GCC2: variants seen among roughly 807,000 people sequenced by gnomAD.
GCC2 encodes GRIP and coiled-coil domain-containing protein 2.
In GCC2, 120 loss-of-function variants were observed where a neutral mutation model predicts 210.6. The observed-to-expected ratio is 0.57, with a 90% CI of 0.49 to 0.66. The LOEUF (loss-of-function observed/expected upper bound fraction) is 0.66. Ranked by LOEUF, GCC2 falls within the 30% of genes least tolerant of loss-of-function variation. GCC2 has a pLI of 0.00. For missense variants in GCC2, 1,868 were observed against 1,871.9 expected, an observed-to-expected ratio of 1.00 and a Z score of 0.04; for synonymous variants, 703 against 652.7, an observed-to-expected ratio of 1.08 and a Z score of -1.17.
At position 108,507,936 on chromosome 2, in the gene GCC2, G is replaced by A. The variant is rs968201318; in HGVS notation, c.*306G>A. The A allele has an allele frequency of 1.0e-4, 22 of 214,860 alleles. No individual in the cohort carries two copies. The highest frequency in any genetic ancestry group is 2.6e-4 in the African/African-American group (11 of 42,298). 13.3% of individuals were successfully genotyped at this position (214,860 alleles called of 1,614,324 possible). ...GAACCTCAGGACCCGCCCATTTCTC[G>A]GCAGTACTGTGAATTTTGAAGTTAA... is the stretch of plus-strand genomic sequence containing the variant. On this transcript the variant is annotated 3_prime_UTR_variant, in exon 23 of 23. Coordinates refer to ENST00000309863, the MANE Select transcript of GCC2 (RefSeq NM_181453.4).
chr2:108,492,864 A>G (rs1682473835), intron 19 of GCC2, 74 bp downstream of exon 19: 5 of 1,131,528 alleles, frequency 4.4e-6, no homozygotes, highest in African/African-American at 3.2e-5. Flanking sequence ...TTCTTCACAA[A>G]TTCATAAGAA....
chr2:108,469,465 T>C (rs1681070167), intron 5 of GCC2, 186 bp from the exon 6 acceptor site: 1 of 524,748 alleles, frequency 1.9e-6, no homozygotes, highest in Non-Finnish European at 3.3e-6. Flanking sequence ...TGTAGATATA[T>C]ATTGTCATAC....
At chr2:108,473,662 T>C (rs1558742955) in intron 7 of GCC2, among the ~76,000 whole-genome samples, 2 of 152,144 alleles carry the variant, frequency 1.3e-5, no homozygotes, top group South Asian at 4.1e-4. Context: ...CCTGTTAGAT[T>C]AGGGTAAGGG....
intron 19 of GCC2, chr2:108,494,676 T>C (rs1682558229): frequency 6.6e-6 from 1 of 152,240 alleles, no homozygotes; most frequent in South Asian, 2.1e-4. Context: ...TTTGGCCCTC[T>C]ACTCTAAATT....
chr2:108,495,346 C>T lies in GCC2; in HGVS notation c.4503C>T (p.Asp1501=). The change falls in exon 20 of 23, where the codon GAC becomes GAT. Residue 1501 remains aspartate, a synonymous_variant. Coordinates refer to ENST00000309863, the MANE Select transcript of GCC2 (RefSeq NM_181453.4). ...ACCTTCGAGAAAGGAGAAACACAGA[C>T]CTCCCGCTTCTAGACATGCACACTG... is the stretch of plus-strand genomic sequence containing the variant. ...LKNLRERRNT[D]LPLLDMHTVT... 4 of 1,578,018 alleles carry T rather than the reference C, an allele frequency of 2.5e-6. No individual in the cohort carries two copies. The South Asian group carries it at 3.3e-5, about 13-fold the overall frequency.
chr2:108,476,354 G>C (rs911900906), intron 9 of GCC2, among the ~76,000 whole-genome samples: 4 of 151,940 alleles, frequency 2.6e-5, no homozygotes, highest in African/African-American at 9.7e-5. Flanking sequence ...CACCACACCT[G>C]GCCTAAATAG....
In GCC2 at chr2:108,482,468, G is replaced by T; in HGVS notation, c.3345+17G>T. 1 of 1,302,444 alleles carries T rather than the reference G, an allele frequency of 7.7e-7. No homozygotes were observed. Among genetic ancestry groups the T allele is most frequent in the South Asian group, 1.2e-5 (1 of 80,206 alleles). The allele number at this position is 1,302,444 out of a possible 1,614,324, so 80.7% of individuals were successfully genotyped here. A position where few individuals can be genotyped will look rare whatever the true frequency, so the allele number is the denominator to read the frequency against. ...AAGATAAAGGTAAAAACAATCCTAT[G>T]AGATTGATTCACATATATATGATGC... is the stretch of plus-strand genomic sequence containing the variant. On this transcript the variant is annotated intron_variant, in intron 11 of 22. Coordinates refer to ENST00000309863, the MANE Select transcript of GCC2 (RefSeq NM_181453.4).
In GCC2 at chr2:108,471,240, C is replaced by T. The variant is rs61741717; in HGVS notation, c.1911C>T (p.Tyr637=). The T allele has an allele frequency of 9.4e-4, 1,505 of 1,608,782 alleles. 13 individuals carry two copies. In the African/African-American group the frequency reaches 0.017, roughly 18 times the overall value. Residue 637 remains tyrosine (Y), a synonymous_variant, in exon 6 of 23, where the codon TAC becomes TAT. Transcript: ENST00000309863. ...AGAAAGTAGAGCAAACAATCCAGTA[C>T]AACAGTGAACTAGAACAAAAGGTAA... The part of the protein sequence containing the change: ...LGKKVEQTIQ[Y]NSELEQKVNE...
chr2:108,487,953 C>T, intron 17 of GCC2, 133 bp downstream of exon 17: 1 of 875,030 alleles, frequency 1.1e-6, no homozygotes, highest in Non-Finnish European at 1.7e-6. Flanking sequence ...GTTGCCCAGG[C>T]TGGAGTGCAG....
chr2:108,452,955 G>C (rs1243621358), intron 4 of GCC2, among the ~76,000 whole-genome samples: 1 of 152,130 alleles, frequency 6.6e-6, no homozygotes, highest in Admixed American at 6.5e-5. Flanking sequence ...GCCTCCCAAA[G>C]TGCTGGGATT....
In GCC2 at chr2:108,487,726, T is replaced by C. The variant is rs1682215752; in HGVS notation, c.3958T>C (p.Phe1320Leu). 5 of 1,613,314 alleles carry C rather than the reference T, an allele frequency of 3.1e-6. No individual in the cohort carries two copies. Among genetic ancestry groups the C allele is most frequent in the Non-Finnish European group, 4.2e-6 (5 of 1,179,450 alleles). Residue 1320 changes from phenylalanine (F) to leucine (L), a missense_variant, in exon 17 of 23, where the codon TTC becomes CTC. Phe to Leu is a conservative substitution (Grantham distance 22). Around this residue, in one of 3 missense-constraint regions of GCC2, gnomAD observed 1,847 missense variants for 1,765.2 expected, o/e 1.05. Coordinates refer to ENST00000309863, the MANE Select transcript of GCC2 (RefSeq NM_181453.4). ...KAEQATVTSE[F>L]ESYKVRVHNV... is the part of the protein sequence containing the mutation. ...AGAACAAGCTACTGTAACCTCTGAA[T>C]TCGAGAGCTACAAAGTCCGAGTTCA...
At chr2:108,482,755 CA>C (rs1420434260) in intron 11 of GCC2, among the ~76,000 whole-genome samples, 2 of 152,196 alleles carry the variant, frequency 1.3e-5, no homozygotes, top group African/African-American at 4.8e-5. Flanking sequence ...CAGCTCACTG[CA>C]AGCTCCACCT....
chr2:108,491,539 C>T (rs1033192293), intron 18 of GCC2, among the ~76,000 whole-genome samples: 2 of 152,068 alleles, frequency 1.3e-5, no homozygotes, highest in Admixed American at 6.5e-5. Flanking sequence ...AGCCACTAAA[C>T]CCTGTTTGAA....
intron 16 of GCC2, 142 bp downstream of exon 16, chr2:108,486,790 G>A (rs1298605191): frequency 1.7e-6 from 1 of 590,300 alleles, no homozygotes. Context: ...CAGTTAATCT[G>A]GCTTTAACCC....
chr2:108,466,529 A>G (rs1443684668), intron 4 of GCC2, among the ~76,000 whole-genome samples: 1 of 151,278 alleles, frequency 6.6e-6, no homozygotes, highest in East Asian at 1.9e-4. Flanking sequence ...CTGGAGTGCA[A>G]TGGGGCGATC....
At chr2:108,479,162 C>CA (rs1293628788) in intron 9 of GCC2, among the ~76,000 whole-genome samples, 3 of 151,200 alleles carry the variant, frequency 2.0e-5, no homozygotes, top group South Asian at 4.2e-4. Flanking sequence ...GACAACGTCT[C>CA]AAAAAAAATA....
At chr2:108,451,309 A>G (rs1470289661) in intron 3 of GCC2, among the ~76,000 whole-genome samples, 197 bp downstream of exon 3, 2 of 152,196 alleles carry the variant, frequency 1.3e-5, no homozygotes, top group Non-Finnish European at 2.9e-5. Context: ...TCTCTAAACC[A>G]CAGTGACTTT....
rs540350740 is a variant in GCC2 at position 108,475,620 on chromosome 2, T to C, written c.2946T>C (p.Asp982=). The stretch of plus-strand genomic sequence containing the variant: ...CCGTAAAGGCAAAGAAAGAACTAGA[T>C]TCCAGCAGAAAAGAGGTGAGCTGAC... The part of the protein sequence containing the change: ...LVAVKAKKEL[D]SSRKETQTVK... Residue 982 remains aspartate, a synonymous_variant, in exon 8 of 23, where the codon GAT becomes GAC. Transcript: ENST00000309863. The C allele has an allele frequency of 6.5e-7, 1 of 1,544,638 alleles. No homozygotes were observed. The highest frequency in any genetic ancestry group is 8.7e-7 in the Non-Finnish European group (1 of 1,145,022).
chr2:108,485,157 T>A (rs1347279698), intron 13 of GCC2, among the ~76,000 whole-genome samples: 3 of 147,828 alleles, frequency 2.0e-5, no homozygotes, highest in Non-Finnish European at 4.5e-5. Flanking sequence ...AATATCACAC[T>A]CTGGGGACTG....
Sources: gnomAD v4.1 joint callset for allele counts (sites outside exome capture counted in the v4.1 genomes callset) on GRCh38, gnomAD v4.1.1 for gene constraint, gnomAD v4.1.1 regional missense constraint, MANE v1.5 for transcripts, NCBI Gene and HGNC (gene_info 2026-07-23, HGNC 2026-07-21) for gene names.